The following RPSA2 variants were observed in gnomAD, a reference collection of about 807,000 sequenced individuals.
RPSA2 encodes ribosomal protein SA 2, also known as small ribosomal subunit protein uS2B.
At chr19:23,760,949 G>A in the RPSA2 span, among the ~76,000 whole-genome samples, 1 of 151,026 alleles carries the variant, frequency 6.6e-6, no homozygotes, top group Non-Finnish European at 1.5e-5. Context: ...ACAGGTGTAA[G>A]CTACCATGCC....
At chr19:23,862,506 C>T in the RPSA2 span, among the ~76,000 whole-genome samples, 2 of 151,748 alleles carry the variant, frequency 1.3e-5, no homozygotes, top group Non-Finnish European at 1.5e-5. Context: ...ATGATATTGG[C>T]TGTGGGTTTG....
the RPSA2 span, among the ~76,000 whole-genome samples, chr19:23,826,038 A>AAAAC: frequency 2.9e-3 from 433 of 151,334 alleles, no homozygotes; most frequent in Non-Finnish European, 4.7e-3. Flanking sequence ...TGTCAAAAAA[A>AAAAC]AACAAAATTT....
chr19:23,821,111 C>A, the RPSA2 span, among the ~76,000 whole-genome samples: 1 of 152,226 alleles, frequency 6.6e-6, no homozygotes, highest in African/African-American at 2.4e-5. Context: ...GCCCTTGATA[C>A]CAACTCATTA....
chr19:23,832,919 T>A, the RPSA2 span: 2 of 1,536,206 alleles, frequency 1.3e-6, no homozygotes, highest in Non-Finnish European at 1.8e-6. Flanking sequence ...TCTTTTAACC[T>A]GTCTTCAAGC....
the RPSA2 span, among the ~76,000 whole-genome samples, chr19:23,867,392 A>G: frequency 2.0e-5 from 3 of 152,368 alleles, no homozygotes; most frequent in Admixed American, 2.0e-4. Context: ...ACTTACTTAT[A>G]GCATTGGATA....
the RPSA2 span, among the ~76,000 whole-genome samples, chr19:23,769,764 C>T: frequency 0.011 from 1,654 of 152,184 alleles, 33 homozygotes; most frequent in African/African-American, 0.038. Context: ...TGGCATATCA[C>T]TGGGTCAAGA....
chr19:23,841,161 G>A, the RPSA2 span, among the ~76,000 whole-genome samples: 1 of 152,008 alleles, frequency 6.6e-6, no homozygotes, highest in East Asian at 1.9e-4. Flanking sequence ...TATTTACTTG[G>A]TTAACGTGTT....
chr19:23,771,604 C>G, the RPSA2 span, among the ~76,000 whole-genome samples: 2 of 151,838 alleles, frequency 1.3e-5, no homozygotes, highest in African/African-American at 4.8e-5. Flanking sequence ...CCATATTGCT[C>G]AACCCAGCAT....
the RPSA2 span, among the ~76,000 whole-genome samples, chr19:23,863,564 C>CAAAA: frequency 9.1e-6 from 1 of 109,802 alleles, no homozygotes; most frequent in African/African-American, 3.6e-5. Context: ...GATTCCAACT[C>CAAAA]AAAAAAAAAA....
the RPSA2 span, among the ~76,000 whole-genome samples, chr19:23,767,462 T>C: frequency 5.9e-5 from 9 of 152,088 alleles, no homozygotes; most frequent in Non-Finnish European, 1.3e-4. Context: ...GCAGAAATGA[T>C]TTTTGTTCTC....
the RPSA2 span, among the ~76,000 whole-genome samples, chr19:23,845,517 A>G: frequency 1.3e-5 from 2 of 151,932 alleles, no homozygotes; most frequent in African/African-American, 4.8e-5. Context: ...TTTTGAGATG[A>G]GTTTTACTCT....
the RPSA2 span, among the ~76,000 whole-genome samples, chr19:23,819,749 G>A: frequency 2.3e-4 from 35 of 152,254 alleles, no homozygotes; most frequent in African/African-American, 7.7e-4. Context: ...TACCTCACTT[G>A]GAGGAGGACC....
the RPSA2 span, among the ~76,000 whole-genome samples, chr19:23,820,501 TAG>T: frequency 6.6e-6 from 1 of 152,174 alleles, no homozygotes; most frequent in Non-Finnish European, 1.5e-5. Context: ...GCTTCTTTTC[TAG>T]AGTGTGGAGC....
chr19:23,763,776 C>T, the RPSA2 span, among the ~76,000 whole-genome samples: 1 of 152,118 alleles, frequency 6.6e-6, no homozygotes, highest in Non-Finnish European at 1.5e-5. Context: ...AGCCTCTTCT[C>T]TTAAAAATTA....
At chr19:23,834,193 T>C in the RPSA2 span, among the ~76,000 whole-genome samples, 1 of 152,070 alleles carries the variant, frequency 6.6e-6, no homozygotes, top group Non-Finnish European at 1.5e-5. Flanking sequence ...TATTTGTATA[T>C]AACTTTAAAA....
the RPSA2 span, among the ~76,000 whole-genome samples, chr19:23,859,388 G>C: frequency 6.6e-6 from 1 of 152,136 alleles, no homozygotes; most frequent in Non-Finnish European, 1.5e-5. Flanking sequence ...CAGCAGTTTG[G>C]GAGGCTGTGG....
At chr19:23,824,371 AGTT>A in the RPSA2 span, among the ~76,000 whole-genome samples, 148,709 of 152,032 alleles carry the variant, frequency 0.98, 72,823 homozygotes, top group Middle Eastern at 1. Context: ...GAGAAACTGG[AGTT>A]GTTGTGAAGT....
At chr19:23,849,779 A>G in the RPSA2 span, among the ~76,000 whole-genome samples, 22 of 152,172 alleles carry the variant, frequency 1.4e-4, no homozygotes, top group African/African-American at 5.1e-4. Context: ...AAACCATATG[A>G]GTCATTTTTT....
the RPSA2 span, chr19:23,790,750 A>G: frequency 4.3e-6 from 2 of 463,686 alleles, no homozygotes; most frequent in South Asian, 4.7e-5. Flanking sequence ...CAAAGACGCC[A>G]GGACCCGCTG....
Sources: gnomAD v4.1 joint callset for allele counts (sites outside exome capture counted in the v4.1 genomes callset) on GRCh38, gnomAD v4.1.1 for gene constraint, MANE v1.5 for transcripts, NCBI Gene and HGNC (gene_info 2026-07-23, HGNC 2026-07-21) for gene names.